TIMM44: variants seen among roughly 807,000 people sequenced by gnomAD.
The protein encoded by TIMM44 is translocase of inner mitochondrial membrane 44.
Under a neutral mutation model 63.8 loss-of-function variants are expected in TIMM44, and 37 were observed. That is an observed-to-expected ratio of 0.58 (90% CI 0.45 to 0.76). The LOEUF is 0.76. Among genes scored for constraint, TIMM44 ranks in the 30% least tolerant of loss-of-function variants. TIMM44 has a pLI of 0.00. For missense variants in TIMM44, 573 were observed against 603.8 expected (o/e 0.95, Z 0.54); for synonymous variants, 239 against 245.1 (o/e 0.98, Z 0.23).
chr19:7,941,246 T>C, intron 1 of TIMM44, 49 bp from the exon 2 acceptor site: 1 of 1,451,506 alleles, frequency 6.9e-7, no homozygotes, highest in East Asian at 2.3e-5. Context: ...AGAGGTTGAC[T>C]GAGAAGTAAG....
At chr19:7,927,788 G>T (rs1418420996) in intron 11 of TIMM44, 21 bp from the exon 12 acceptor site, 1 of 1,605,214 alleles carries the variant, frequency 6.2e-7, no homozygotes, top group African/African-American at 1.3e-5. Flanking sequence ...GCCGAGAGGG[G>T]GGATGTGCCT....
rs1983871319 is a variant in TIMM44, at chr19:7,928,161, G to GT, written c.1043dup (p.Tyr348Ter). ...ILKDWCYEAT[Y>*]SQLAHPIQQA... ...GCTGGATGGGGTGGGCCAGCTGGCT[G>GT]TAAGTCTGCAATGAGAGGCCGACAC... is the stretch of plus-strand genomic sequence containing the variant. Residue 348 changes from tyrosine to a stop codon, truncating the protein, a stop_gained and frameshift_variant, in exon 11 of 13, where the codon TAC (tyrosine) becomes TAAC (stop). Transcript: ENST00000270538. LOFTEE classifies it high-confidence loss of function. The GT allele has an allele frequency of 6.2e-7, 1 of 1,613,572 alleles. No individual in the cohort carries two copies. The highest frequency in any genetic ancestry group is 8.5e-7 in the Non-Finnish European group (1 of 1,179,774).
In TIMM44 at chr19:7,933,061, C is replaced by T. The variant is rs567930193; in HGVS notation, c.770-129G>A. 5.8e-4 allele frequency: 443 copies of T among 765,518 alleles called. 1 individual carries two copies. The highest frequency in any genetic ancestry group is 4.4e-3 in the African/African-American group (256 of 58,228). The allele number at this position is 765,518 out of a possible 1,614,324, so 47.4% of individuals were successfully genotyped here. On this transcript the variant is annotated intron_variant, in intron 7 of 12. Transcript: ENST00000270538. The surrounding 1 kb of genome is among the most constrained non-coding windows in gnomAD (Gnocchi z 4.3). ...GACACGGGTGGGGTCAGGGAGGGGACGGCTGTGGACCTGCATCCTCATCTG... is the reference window on the plus strand; with the variant it reads ...GACACGGGTGGGGTCAGGGAGGGGATGGCTGTGGACCTGCATCCTCATCTG...
At chr19:7,942,506 G>A (rs759940816) in intron 1 of TIMM44, among the ~76,000 whole-genome samples, 12 of 151,608 alleles carry the variant, frequency 7.9e-5, no homozygotes, top group Non-Finnish European at 1.8e-4. Flanking sequence ...AGAACCTGGC[G>A]TGTTGATGTC....
intron 2 of TIMM44, among the ~76,000 whole-genome samples, chr19:7,940,463 G>C (rs1984277989): frequency 6.6e-6 from 1 of 152,106 alleles, no homozygotes; most frequent in Non-Finnish European, 1.5e-5. Context: ...GAAAGGGAAA[G>C]AGTCACAGGT....
At chr19:7,929,373 TGGATCTATGTTTCA>T (rs1568294113) in intron 10 of TIMM44, among the ~76,000 whole-genome samples, 1 of 152,200 alleles carries the variant, frequency 6.6e-6, no homozygotes, top group African/African-American at 2.4e-5. Flanking sequence ...ATGTTTTGTT[TGGATCTATGTTTCA>T]GGATCATGTC....
chr19:7,940,149 C>T (rs1984266338), intron 2 of TIMM44, among the ~76,000 whole-genome samples: 1 of 151,366 alleles, frequency 6.6e-6, no homozygotes, highest in African/African-American at 2.4e-5. Context: ...GGGAGGATCG[C>T]TTAAGCCCAG....
chr19:7,943,578 C>T lies in TIMM44; in HGVS notation c.45+29G>A, dbSNP rs984538320. 1 of 1,563,376 alleles carries T rather than the reference C, an allele frequency of 6.4e-7. No homozygotes were observed. The highest frequency in any genetic ancestry group is 8.6e-7 in the Non-Finnish European group (1 of 1,160,688). On this transcript the variant is annotated intron_variant, in intron 1 of 12. Coordinates refer to ENST00000270538, the MANE Select transcript of TIMM44 (RefSeq NM_006351.4). This position sits in a 1 kb window ranked among gnomAD's most constrained non-coding sequence, Gnocchi z 4.3. ...CGAAGGCCCAGAAGACCCCTAAGCT[C>T]GCCCTGCCAGCGCCGCACCGCCGCT...
Position 7,934,361 on chromosome 19 carries a change from C to T in TIMM44, c.394-123G>A, listed in dbSNP as rs1429721798. ...CTGGTTCCCCGAGGCCGGCAGAGGC[C>T]TTCTGTGCTCCTGTGGTACGCGGCA... On this transcript the variant is annotated intron_variant, in intron 4 of 12. Coordinates refer to ENST00000270538, the MANE Select transcript of TIMM44 (RefSeq NM_006351.4). The surrounding 1 kb of genome is among the most constrained non-coding windows in gnomAD (Gnocchi z 5.3). 7.6e-7 allele frequency: 1 copy of T among 1,322,022 alleles called. No individual in the cohort carries two copies. The highest frequency in any genetic ancestry group is 1.1e-6 in the Non-Finnish European group (1 of 936,584). 81.9% of individuals were successfully genotyped at this position (1,322,022 alleles called of 1,614,324 possible).
chr19:7,927,096 G>C lies in TIMM44; in HGVS notation c.*91C>G. 2.0e-6 allele frequency: 3 copies of C among 1,517,290 alleles called. No individual in the cohort carries two copies. The highest frequency in any genetic ancestry group is 2.7e-6 in the Non-Finnish European group (3 of 1,129,734). The allele number at this position is 1,517,290 out of a possible 1,614,324, so 94.0% of individuals were successfully genotyped here. A position where few individuals can be genotyped will look rare whatever the true frequency, so the allele number is the denominator to read the frequency against. On this transcript the variant is annotated 3_prime_UTR_variant, in exon 13 of 13. Coordinates refer to ENST00000270538, the MANE Select transcript of TIMM44 (RefSeq NM_006351.4). Reference sequence around the variant, plus strand: ...AGCTGGGGGCAGAGCCCGCAGTCTTGTTCCCAGAGGTCTGGAGTTGCCGCA... The same window carrying C: ...AGCTGGGGGCAGAGCCCGCAGTCTTCTTCCCAGAGGTCTGGAGTTGCCGCA...
In TIMM44 at chr19:7,934,953, C is replaced by T; in HGVS notation, c.393+112G>A. The stretch of plus-strand genomic sequence containing the variant: ...CCCGAGGGTGGCAGCACGCCCCATG[C>T]CACCCACTGCTGCCAAGCCACCCCC... On this transcript the variant is annotated intron_variant, in intron 4 of 12. Coordinates refer to ENST00000270538, the MANE Select transcript of TIMM44 (RefSeq NM_006351.4). This position sits in a 1 kb window ranked among gnomAD's most constrained non-coding sequence, Gnocchi z 5.3. 1.0e-6 allele frequency: 1 copy of T among 954,940 alleles called. No homozygotes were observed. Among genetic ancestry groups the T allele is most frequent in the Non-Finnish European group, 1.6e-6 (1 of 608,158 alleles). The allele number at this position is 954,940 out of a possible 1,614,324, so 59.2% of individuals were successfully genotyped here. A position where few individuals can be genotyped will look rare whatever the true frequency, so the allele number is the denominator to read the frequency against.
Position 7,927,886 on chromosome 19 carries a change from G to T in TIMM44, c.1129-119C>A, listed in dbSNP as rs35001394. 9.3e-6 allele frequency: 11 copies of T among 1,180,172 alleles called. No homozygotes were observed. The South Asian group carries it at 1.3e-4, about 14-fold the overall frequency. 73.1% of individuals were successfully genotyped at this position (1,180,172 alleles called of 1,614,324 possible). On this transcript the variant is annotated intron_variant, in intron 11 of 12. Transcript: ENST00000270538. ...AGGCTCCAGCACCAGGCCCAGCACCGGTCCCTCCCCGTGGGCCTTGCCTCT... is the reference window on the plus strand; with the variant it reads ...AGGCTCCAGCACCAGGCCCAGCACCTGTCCCTCCCCGTGGGCCTTGCCTCT...
At chr19:7,931,237 G>C in intron 9 of TIMM44, 49 bp from the exon 10 acceptor site, 1 of 1,554,392 alleles carries the variant, frequency 6.4e-7, no homozygotes, top group Non-Finnish European at 8.9e-7. Context: ...GGCTTTTCAG[G>C]CAGCAGGCGA....
Position 7,931,140 on chromosome 19 carries a change from C to T in TIMM44, c.1036G>A (p.Ala346Thr). The change falls in exon 10 of 13, where the codon GCT becomes ACT. Residue 346 changes from alanine (A) to threonine (T), a missense_variant and splice_region_variant. Physicochemically the swap from Ala to Thr is moderately conservative, Grantham distance 58 (BLOSUM62 0). Coordinates refer to ENST00000270538, the MANE Select transcript of TIMM44 (RefSeq NM_006351.4). The part of the protein sequence containing the change: ...LDILKDWCYE[A>T]TYSQLAHPIQ... Reference sequence around the variant, plus strand: ...AGAAAAAGAAAGGAAGTACTCACAGCTTCATAGCACCAGTCTTTGAGAATG... The same window carrying T: ...AGAAAAAGAAAGGAAGTACTCACAGTTTCATAGCACCAGTCTTTGAGAATG... 1 of 1,613,506 alleles carries T rather than the reference C, an allele frequency of 6.2e-7. No homozygotes were observed. The highest frequency in any genetic ancestry group is 8.5e-7 in the Non-Finnish European group (1 of 1,179,720).
intron 9 of TIMM44, chr19:7,932,418 CCGGAGGT>C (rs1984011983): frequency 3.2e-6 from 2 of 629,550 alleles, no homozygotes; most frequent in Non-Finnish European, 5.5e-6. Flanking sequence ...CCTGGAGGTA[CCGGAGGT>C]GCCGGTAAGG....
intron 2 of TIMM44, among the ~76,000 whole-genome samples, chr19:7,939,233 G>A (rs1422373374): frequency 6.6e-6 from 1 of 152,194 alleles, no homozygotes; most frequent in African/African-American, 2.4e-5. Flanking sequence ...TGTGCCAGAT[G>A]GGAGAGGAGG....
At position 7,943,613 on chromosome 19, in the gene TIMM44, A is replaced by C; in HGVS notation, c.39T>G (p.Cys13Trp). 1 of 1,561,930 alleles carries C rather than the reference A, an allele frequency of 6.4e-7. No homozygotes were observed. The highest frequency in any genetic ancestry group is 8.6e-7 in the Non-Finnish European group (1 of 1,160,870). The change falls in exon 1 of 13, where the codon TGT (cysteine) becomes TGG (tryptophan). Residue 13 changes from cysteine to tryptophan, a missense_variant. Cys to Trp is a radical substitution (Grantham distance 215). Coordinates refer to ENST00000270538, the MANE Select transcript of TIMM44 (RefSeq NM_006351.4). This position sits in a 1 kb window ranked among gnomAD's most constrained non-coding sequence, Gnocchi z 4.3. The stretch of plus-strand genomic sequence containing the variant: ...GCGCCGCACCGCCGCTCACCCGTGG[A>C]CAGCGGCACCAGCCACTCCGCAGGG... ...AAALRSGWCR[C>W]PRRCLGSGIQ... is the part of the protein sequence containing the mutation.
In TIMM44 at chr19:7,933,423, A is replaced by G; in HGVS notation, c.769+62T>C. 6.9e-7 allele frequency: 1 copy of G among 1,451,838 alleles called. No homozygotes were observed. The highest frequency in any genetic ancestry group is 9.7e-7 in the Non-Finnish European group (1 of 1,031,894). The allele number at this position is 1,451,838 out of a possible 1,614,324, so 89.9% of individuals were successfully genotyped here. A position where few individuals can be genotyped will look rare whatever the true frequency, so the allele number is the denominator to read the frequency against. ...GTCTTGTGCCCAATGCAGGGGGATC[A>G]CCTTGCGGTCCACCAACTGCCCGGG... On this transcript the variant is annotated intron_variant, in intron 7 of 12. Coordinates refer to ENST00000270538, the MANE Select transcript of TIMM44 (RefSeq NM_006351.4). The surrounding 1 kb of genome is among the most constrained non-coding windows in gnomAD (Gnocchi z 4.3).
chr19:7,943,622 C>G lies in TIMM44; in HGVS notation c.30G>C (p.Trp10Cys). The G allele has an allele frequency of 6.4e-7, 1 of 1,572,924 alleles. No individual in the cohort carries two copies. Among genetic ancestry groups the G allele is most frequent in the South Asian group, 1.1e-5 (1 of 87,286 alleles). MAAAALRSGWCRCPRRCLGS... is the reference protein window; with the variant it reads MAAAALRSGCCRCPRRCLGS... ...CGCCGCTCACCCGTGGACAGCGGCA[C>G]CAGCCACTCCGCAGGGCCGCCGCCG... is the stretch of plus-strand genomic sequence containing the variant. The change falls in exon 1 of 13, where the codon TGG (tryptophan) becomes TGC (cysteine). Residue 10 changes from tryptophan to cysteine, a missense_variant. By Grantham distance (215) the Trp-to-Cys change is radical. Transcript: ENST00000270538. The surrounding 1 kb of genome is among the most constrained non-coding windows in gnomAD (Gnocchi z 4.3).
Sources: allele counts gnomAD v4.1 joint callset (sites outside exome capture counted in the v4.1 genomes callset), GRCh38; gene constraint gnomAD v4.1.1; non-coding constraint Gnocchi (gnomAD v3.1); transcripts MANE v1.5; gene names NCBI Gene and HGNC (gene_info 2026-07-23, HGNC 2026-07-21).